Variants in GALNT13 observed in about 807,000 individuals in gnomAD.
The protein encoded by GALNT13 is UDP-GalNAc:polypeptide N-acetylgalactosaminyltransferase 13.
In GALNT13, 28 loss-of-function variants were observed where a neutral mutation model predicts 64.2. The ratio of observed to expected loss-of-function variants is 0.44; its 90% confidence interval spans 0.32 to 0.60. The LOEUF (loss-of-function observed/expected upper bound fraction) is 0.60, where lower values mean the gene tolerates loss of function less well. Among genes scored for constraint, GALNT13 ranks in the 20% least tolerant of loss-of-function variants. The pLI is 0.05. For missense variants in GALNT13, 577 were observed against 669.8 expected (o/e 0.86, Z 1.53); for synonymous variants, 214 against 224.6 (o/e 0.95, Z 0.42).
chr2:153,197,605 T>A, the GALNT13 span, among the ~76,000 whole-genome samples: 1 of 152,226 alleles, frequency 6.6e-6, no homozygotes, highest in Non-Finnish European at 1.5e-5. Context: ...GTGCAGACTG[T>A]CATAAGCACA....
the GALNT13 span, among the ~76,000 whole-genome samples, chr2:153,737,443 C>T: frequency 6.6e-6 from 1 of 151,042 alleles, no homozygotes; most frequent in Non-Finnish European, 1.5e-5. Flanking sequence ...TTTGGACATT[C>T]CTTATGTTAT....
chr2:153,423,961 A>G, the GALNT13 span, among the ~76,000 whole-genome samples: 1 of 151,540 alleles, frequency 6.6e-6, no homozygotes, highest in Non-Finnish European at 1.5e-5. Context: ...GACTTCTCAA[A>G]AAACAAAAAT....
chr2:153,082,343 A>T, the GALNT13 span, among the ~76,000 whole-genome samples: 1 of 151,674 alleles, frequency 6.6e-6, no homozygotes, highest in Admixed American at 6.6e-5. Context: ...AAAGTCTATT[A>T]TATCACTCTT....
intron 11 of GALNT13, among the ~76,000 whole-genome samples, chr2:154,434,850 C>T (rs1700877268): frequency 6.6e-6 from 1 of 152,178 alleles, no homozygotes; most frequent in Non-Finnish European, 1.5e-5. Flanking sequence ...AGTTGGTATA[C>T]ATTCATAGAA....
At chr2:153,375,504 A>G in the GALNT13 span, among the ~76,000 whole-genome samples, 23,730 of 152,086 alleles carry the variant, frequency 0.16, 1,914 homozygotes, top group African/African-American at 0.18. Context: ...ATTTTATCAA[A>G]GTTGTTATTG....
At chr2:153,997,741 C>A (rs1695617671) in intron 3 of GALNT13, among the ~76,000 whole-genome samples, 1 of 151,830 alleles carries the variant, frequency 6.6e-6, no homozygotes, top group Admixed American at 6.6e-5. Flanking sequence ...GTTGCTGCAC[C>A]CATCAACCTG....
chr2:154,383,720 G>A lies in GALNT13; in HGVS notation c.1157-12271G>A, dbSNP rs147598583. ...GTTATGATATTCTTTTATCAATGAG[G>A]CCAACTAATACTTTGAAGCCGATTT... On this transcript the variant is annotated intron_variant, in intron 9 of 12. Coordinates refer to ENST00000392825, the MANE Select transcript of GALNT13 (RefSeq NM_052917.4). Among the ~76,000 whole-genome samples the A allele has an allele frequency of 2.7e-3, 406 of 151,814 alleles. 2 individuals carry two copies. The highest frequency in any genetic ancestry group is 9.3e-3 in the African/African-American group (385 of 41,450).
the GALNT13 span, among the ~76,000 whole-genome samples, chr2:153,741,930 G>A: frequency 8.2e-4 from 125 of 152,172 alleles, no homozygotes; most frequent in Middle Eastern, 3.4e-3. Context: ...GAATAATTAA[G>A]TCAAGCTAAT....
the GALNT13 span, among the ~76,000 whole-genome samples, chr2:153,768,294 G>T: frequency 3.0e-4 from 46 of 152,244 alleles, no homozygotes; most frequent in Admixed American, 5.2e-4. Context: ...TTCCATAAAG[G>T]TCTTATAGGT....
chr2:153,134,951 AG>A, the GALNT13 span, among the ~76,000 whole-genome samples: 2 of 152,186 alleles, frequency 1.3e-5, no homozygotes, highest in African/African-American at 2.4e-5. Flanking sequence ...GATGACAGAA[AG>A]AAGAGGAATT....
At chr2:153,184,435 C>T in the GALNT13 span, among the ~76,000 whole-genome samples, 2 of 152,250 alleles carry the variant, frequency 1.3e-5, no homozygotes, top group East Asian at 3.9e-4. Context: ...ATTTGACTTC[C>T]TCTTTTCCTA....
the GALNT13 span, among the ~76,000 whole-genome samples, chr2:153,120,403 CT>C: frequency 2.0e-5 from 3 of 152,114 alleles, no homozygotes; most frequent in Admixed American, 2.0e-4. Flanking sequence ...TTATTTGGAT[CT>C]TTTAAGTTTC....
chr2:153,483,392 T>C, the GALNT13 span, among the ~76,000 whole-genome samples: 1 of 150,540 alleles, frequency 6.6e-6, no homozygotes, highest in Admixed American at 6.6e-5. Context: ...TTATTCCGCC[T>C]TAAAAAGGAA....
chr2:153,617,379 C>A, the GALNT13 span, among the ~76,000 whole-genome samples: 14 of 151,896 alleles, frequency 9.2e-5, no homozygotes, highest in East Asian at 5.8e-4. Flanking sequence ...GATTTGCATA[C>A]ATTGAACCAT....
chr2:153,914,022 T>G (rs1044288945), intron 2 of GALNT13, among the ~76,000 whole-genome samples: 2 of 152,234 alleles, frequency 1.3e-5, no homozygotes, highest in Admixed American at 6.5e-5. Context: ...ACTCATTAAT[T>G]CTAGTGTGTT....
intron 3 of GALNT13, among the ~76,000 whole-genome samples, chr2:154,058,079 A>G (rs1460126425): frequency 2.0e-5 from 3 of 152,158 alleles, no homozygotes; most frequent in Non-Finnish European, 2.9e-5. Flanking sequence ...TGGAGATAGG[A>G]CCTTTATGAA....
chr2:153,507,955 C>T, the GALNT13 span, among the ~76,000 whole-genome samples: 2 of 152,122 alleles, frequency 1.3e-5, no homozygotes, highest in Non-Finnish European at 2.9e-5. Flanking sequence ...GGTCTGGCCA[C>T]CTGGAAGAAG....
chr2:154,361,528 T>A (rs1697067071), intron 9 of GALNT13, among the ~76,000 whole-genome samples: 1 of 152,074 alleles, frequency 6.6e-6, no homozygotes, highest in Non-Finnish European at 1.5e-5. Context: ...GTAAACTTTA[T>A]CATTTTGCTG....
At chr2:153,403,919 G>A in the GALNT13 span, among the ~76,000 whole-genome samples, 18 of 152,192 alleles carry the variant, frequency 1.2e-4, no homozygotes, top group Non-Finnish European at 2.2e-4. Context: ...GCTGTAGACC[G>A]GAGCTGTTCC....
Sources: gnomAD v4.1 joint callset for allele counts (sites outside exome capture counted in the v4.1 genomes callset) on GRCh38, gnomAD v4.1.1 for gene constraint, MANE v1.5 for transcripts, NCBI Gene and HGNC (gene_info 2026-07-23, HGNC 2026-07-21) for gene names.